GLP2R: variants seen among roughly 807,000 people sequenced by gnomAD.
GLP2R encodes glucagon like peptide 2 receptor, also known as glucagon-like peptide 2 receptor.
A neutral mutation model predicts 68.2 loss-of-function variants in GLP2R; 59 were observed. The observed-to-expected ratio is 0.87, with a 90% CI of 0.70 to 1.07. The LOEUF (loss-of-function observed/expected upper bound fraction) is 1.07. Among genes scored for constraint, GLP2R ranks in the 50% least tolerant of loss-of-function variants. The pLI is 0.00. For synonymous variants in GLP2R, 270 were observed against 265.4 expected (o/e 1.02, Z -0.17); for missense variants, 548 against 677.4 (o/e 0.81, Z 2.12).
In GLP2R at chr17:9,868,587, C is replaced by T. The variant is rs116831577; in HGVS notation, c.1057-2160C>T. Among the ~76,000 whole-genome samples the T allele has an allele frequency of 4.5e-3, 692 of 152,210 alleles. 7 individuals are homozygous for T. The highest frequency in any genetic ancestry group is 0.015 in the African/African-American group (638 of 41,516). On this transcript the variant is annotated intron_variant, in intron 9 of 12. Coordinates refer to ENST00000262441, the MANE Select transcript of GLP2R (RefSeq NM_004246.3). ...TTCCTGCTTGTGTGAAAATGAAGAA[C>T]AGCACCATCCAAAAGTACCTGCTGA...
intron 7 of GLP2R, 37 bp downstream of exon 7, chr17:9,860,138 T>A: frequency 2.6e-6 from 4 of 1,534,992 alleles, no homozygotes; most frequent in Non-Finnish European, 3.5e-6. Context: ...TTCCTGGGGA[T>A]CCATCAAAAT....
At chr17:9,861,678 C>T (rs1174090443) in intron 8 of GLP2R, among the ~76,000 whole-genome samples, 1 of 151,192 alleles carries the variant, frequency 6.6e-6, no homozygotes, top group Non-Finnish European at 1.5e-5. Context: ...ATTGCTGAAA[C>T]GTATATTGTG....
At chr17:9,887,202 G>A (rs1314943184) in intron 11 of GLP2R, among the ~76,000 whole-genome samples, 1 of 151,946 alleles carries the variant, frequency 6.6e-6, no homozygotes. Flanking sequence ...AGGGTCAGGG[G>A]CCAAAAGGAA....
chr17:9,891,633 G>T lies in GLP2R; in HGVS notation c.*1928G>T, dbSNP rs537789959. On this transcript the variant is annotated 3_prime_UTR_variant, in exon 13 of 13. Transcript: ENST00000262441. ...TGCACTTGAAATGGGATCCCCACTT[G>T]TGTCACCCCATAGTCCAGCCCTGGT... is the stretch of plus-strand genomic sequence containing the variant. 6.6e-6 allele frequency: 1 copy of T among 152,340 alleles called. No individual in the cohort carries two copies. The highest frequency in any genetic ancestry group is 2.1e-4 in the South Asian group (1 of 4,822). The allele number at this position is 152,340 out of a possible 1,614,324, so 9.4% of individuals were successfully genotyped here.
chr17:9,839,687 A>T lies in GLP2R; in HGVS notation c.383-2808A>T, dbSNP rs181781279. Among the ~76,000 whole-genome samples, 321 of 152,252 alleles carry T rather than the reference A, an allele frequency of 2.1e-3. 1 individual carries two copies. Among genetic ancestry groups the T allele is most frequent in the African/African-American group, 7.0e-3 (290 of 41,556 alleles). On this transcript the variant is annotated intron_variant, in intron 3 of 12. Transcript: ENST00000262441. Reference sequence around the variant, plus strand: ...CAGCATCACGACTCCTACAAATGGCATGCAAGACCTCCTGCTGCCTGGCCC... The same window carrying T: ...CAGCATCACGACTCCTACAAATGGCTTGCAAGACCTCCTGCTGCCTGGCCC...
chr17:9,888,284 G>T (rs148289079), intron 12 of GLP2R, among the ~76,000 whole-genome samples: 1 of 152,046 alleles, frequency 6.6e-6, no homozygotes, highest in South Asian at 2.1e-4. Context: ...CTGAATTCAC[G>T]CCTTGGTTCA....
At chr17:9,861,721 C>T (rs535504242) in intron 8 of GLP2R, among the ~76,000 whole-genome samples, 34 of 151,996 alleles carry the variant, frequency 2.2e-4, no homozygotes, top group Non-Finnish European at 4.1e-4. Context: ...ATAGCACACA[C>T]AAAAAACTAC....
chr17:9,848,894 T>C (rs1010012970), intron 4 of GLP2R, among the ~76,000 whole-genome samples: 47 of 149,194 alleles, frequency 3.2e-4, no homozygotes, highest in Non-Finnish European at 6.4e-4. Flanking sequence ...TGTGTGTGTG[T>C]GCGCTCACAT....
intron 10 of GLP2R, among the ~76,000 whole-genome samples, chr17:9,877,774 A>G (rs931459906): frequency 6.6e-6 from 1 of 151,300 alleles, no homozygotes; most frequent in South Asian, 2.1e-4. Flanking sequence ...GTACTCGGGA[A>G]GCTGAGGCAG....
chr17:9,872,607 C>T (rs968382451), intron 10 of GLP2R, among the ~76,000 whole-genome samples: 2 of 152,102 alleles, frequency 1.3e-5, no homozygotes, highest in African/African-American at 4.8e-5. Context: ...ACGGTGTACA[C>T]GATGTAGACC....
At chr17:9,830,211 T>C (rs957721177) in intron 1 of GLP2R, among the ~76,000 whole-genome samples, 4 of 152,230 alleles carry the variant, frequency 2.6e-5, no homozygotes, top group Non-Finnish European at 4.4e-5. Flanking sequence ...CCATTGGCCA[T>C]GGCAAAGAAT....
intron 10 of GLP2R, among the ~76,000 whole-genome samples, chr17:9,876,470 G>A (rs2067143287): frequency 6.6e-6 from 1 of 152,210 alleles, no homozygotes; most frequent in African/African-American, 2.4e-5. Context: ...ATTGAACAAA[G>A]GAGATCTAAT....
intron 9 of GLP2R, among the ~76,000 whole-genome samples, chr17:9,868,108 T>A (rs1231643413): frequency 6.6e-6 from 1 of 152,224 alleles, no homozygotes; most frequent in Non-Finnish European, 1.5e-5. Context: ...ACTGAAGTCT[T>A]CATTGTTGCA....
At chr17:9,869,775 C>T (rs1315220276) in intron 9 of GLP2R, among the ~76,000 whole-genome samples, 1 of 152,184 alleles carries the variant, frequency 6.6e-6, no homozygotes, top group Non-Finnish European at 1.5e-5. Flanking sequence ...AGCCAGCCAT[C>T]CTTTTGAGGA....
intron 10 of GLP2R, among the ~76,000 whole-genome samples, chr17:9,877,352 A>G (rs1279456584): frequency 6.6e-6 from 1 of 152,250 alleles, no homozygotes; most frequent in African/African-American, 2.4e-5. Context: ...AGGAGAAGTT[A>G]GAATAAGGTG....
intron 1 of GLP2R, among the ~76,000 whole-genome samples, chr17:9,831,052 G>T (rs927731742): frequency 3.3e-5 from 5 of 152,210 alleles, no homozygotes; most frequent in Non-Finnish European, 7.3e-5. Context: ...TTTGGGAACT[G>T]CTGGTCTAGT....
chr17:9,860,736 G>C (rs1408662377), intron 7 of GLP2R, among the ~76,000 whole-genome samples: 4 of 152,070 alleles, frequency 2.6e-5, no homozygotes, highest in Non-Finnish European at 5.9e-5. Context: ...ATAATACCAG[G>C]TCTTCAAGAA....
At chr17:9,848,405 A>G (rs1171624508) in intron 4 of GLP2R, among the ~76,000 whole-genome samples, 2 of 152,152 alleles carry the variant, frequency 1.3e-5, no homozygotes, top group Non-Finnish European at 2.9e-5. Flanking sequence ...TGGCTTCACA[A>G]ATTCTGAGCC....
chr17:9,872,973 C>A (rs947298545), intron 10 of GLP2R, among the ~76,000 whole-genome samples: 10 of 152,160 alleles, frequency 6.6e-5, no homozygotes, highest in African/African-American at 2.2e-4. Context: ...AAACCCGTAG[C>A]CCTGGGGAGC....
Sources: allele counts gnomAD v4.1 joint callset (sites outside exome capture counted in the v4.1 genomes callset), GRCh38; gene constraint gnomAD v4.1.1; transcripts MANE v1.5; gene names NCBI Gene and HGNC (gene_info 2026-07-23, HGNC 2026-07-21).